TDRD3: variants seen among roughly 807,000 people sequenced by gnomAD.
The protein encoded by TDRD3 is tudor domain-containing protein 3.
TDRD3 carries 45 observed loss-of-function variants against 86.7 expected under a neutral mutation model. The observed-to-expected ratio is 0.52, with a 90% CI of 0.41 to 0.67. The LOEUF is 0.67. Ranked by LOEUF, TDRD3 falls within the 30% of genes least tolerant of loss-of-function variation. The probability of loss-of-function intolerance (pLI) is 0.00; values close to 1 mark genes in which losing one functional copy is unlikely to be tolerated. For missense variants in TDRD3, 814 were observed against 889.0 expected (o/e 0.92, Z 1.07); for synonymous variants, 298 against 301.7 (o/e 0.99, Z 0.13).
intron 8 of TDRD3, among the ~76,000 whole-genome samples, chr13:60,507,053 A>G (rs1409105535): frequency 2.0e-5 from 3 of 152,170 alleles, no homozygotes; most frequent in Non-Finnish European, 2.9e-5. Flanking sequence ...AGGGGTTGCA[A>G]TCCTAGTGTC....
chr13:60,511,772 G>T (rs1229412919), intron 10 of TDRD3, among the ~76,000 whole-genome samples: 5 of 152,060 alleles, frequency 3.3e-5, no homozygotes, highest in Non-Finnish European at 5.9e-5. Context: ...GCTTGGTGTT[G>T]CCTGGAGACT....
chr13:60,398,880 G>C (rs1254631176), intron 1 of TDRD3, among the ~76,000 whole-genome samples: 1 of 152,180 alleles, frequency 6.6e-6, no homozygotes, highest in African/African-American at 2.4e-5. Flanking sequence ...TTACCCACAA[G>C]GGTGTCCTGA....
chr13:60,516,448 G>A (rs541653785), intron 10 of TDRD3, among the ~76,000 whole-genome samples: 15 of 152,078 alleles, frequency 9.9e-5, no homozygotes, highest in South Asian at 4.2e-4. Flanking sequence ...TCTAGTTGAC[G>A]TTTTTATTAA....
intron 10 of TDRD3, among the ~76,000 whole-genome samples, chr13:60,523,712 G>A (rs61968684): frequency 0.15 from 22,604 of 151,416 alleles, 2,110 homozygotes; most frequent in South Asian, 0.28. Context: ...GAATAGCTGG[G>A]ACTACAGGTG....
intron 8 of TDRD3, among the ~76,000 whole-genome samples, chr13:60,508,084 G>A (rs1359931188): frequency 6.6e-6 from 1 of 152,138 alleles, no homozygotes; most frequent in African/African-American, 2.4e-5. Flanking sequence ...CCTCTTCAAG[G>A]AGAACTAGAA....
intron 11 of TDRD3, among the ~76,000 whole-genome samples, chr13:60,530,993 A>G (rs989612891): frequency 6.6e-6 from 1 of 152,170 alleles, no homozygotes; most frequent in African/African-American, 2.4e-5. Flanking sequence ...GCCTGATGAT[A>G]GAATAAGGAG....
At chr13:60,541,752 G>A (rs1263993665) in intron 12 of TDRD3, among the ~76,000 whole-genome samples, 1 of 33,488 alleles carries the variant, frequency 3.0e-5, no homozygotes, top group Admixed American at 3.7e-4. Context: ...TTTTTGAGAC[G>A]GAGTTTTGCT....
chr13:60,425,001 G>C (rs1594916697), intron 1 of TDRD3, among the ~76,000 whole-genome samples: 2 of 152,236 alleles, frequency 1.3e-5, no homozygotes, highest in African/African-American at 4.8e-5. Flanking sequence ...ATTACAATGT[G>C]TGGAAATAAC....
intron 10 of TDRD3, among the ~76,000 whole-genome samples, chr13:60,525,373 C>T (rs1333094034): frequency 6.6e-6 from 1 of 151,312 alleles, no homozygotes; most frequent in Non-Finnish European, 1.5e-5. Flanking sequence ...AGGGTTTCAC[C>T]ATGTTGGCCA....
chr13:60,439,781 T>A lies in TDRD3; in HGVS notation c.126+9T>A. ...TCCTGATTGCTCTCAATGTAGGTTA[T>A]ATTTATTAACTTGTAAACATTTGAA... On this transcript the variant is annotated intron_variant, in intron 2 of 13. Coordinates refer to ENST00000377881, the MANE Select transcript of TDRD3 (RefSeq NM_001146070.2). The A allele has an allele frequency of 6.7e-7, 1 of 1,498,578 alleles. No individual in the cohort carries two copies. The highest frequency in any genetic ancestry group is 8.9e-7 in the Non-Finnish European group (1 of 1,121,456). The allele number at this position is 1,498,578 out of a possible 1,614,324, so 92.8% of individuals were successfully genotyped here.
At chr13:60,507,768 G>A (rs775392936) in intron 8 of TDRD3, among the ~76,000 whole-genome samples, 1 of 152,156 alleles carries the variant, frequency 6.6e-6, no homozygotes, top group Admixed American at 6.5e-5. Flanking sequence ...GGATGTTCTG[G>A]CCAGGGCATT....
In TDRD3 at chr13:60,573,762, T is replaced by C; in HGVS notation, c.*156T>C. On this transcript the variant is annotated 3_prime_UTR_variant, in exon 14 of 14. Transcript: ENST00000377881. The stretch of plus-strand genomic sequence containing the variant: ...ACAGATTTTAGGGTGGAAAAAACAG[T>C]CAACTCACACAAAGAATGGAAAAAA... 1.7e-6 allele frequency: 1 copy of C among 594,560 alleles called. No individual in the cohort carries two copies. Among genetic ancestry groups the C allele is most frequent in the Non-Finnish European group, 2.1e-6 (1 of 473,018 alleles). 36.8% of individuals were successfully genotyped at this position (594,560 alleles called of 1,614,324 possible). A position where few individuals can be genotyped will look rare whatever the true frequency, so the allele number is the denominator to read the frequency against.
intron 6 of TDRD3, 71 bp from the exon 7 acceptor site, chr13:60,485,728 A>G: frequency 8.0e-7 from 1 of 1,247,618 alleles, no homozygotes; most frequent in Non-Finnish European, 1.1e-6. Context: ...TTGAAGAAGT[A>G]TTACTTTCTA....
intron 5 of TDRD3, among the ~76,000 whole-genome samples, chr13:60,467,812 A>G (rs1955981568): frequency 6.6e-6 from 1 of 152,176 alleles, no homozygotes; most frequent in Non-Finnish European, 1.5e-5. Flanking sequence ...TCCTAGTCTC[A>G]TTAGCTAATA....
At chr13:60,559,673 G>A (rs891416068) in intron 12 of TDRD3, among the ~76,000 whole-genome samples, 2 of 152,130 alleles carry the variant, frequency 1.3e-5, no homozygotes, top group African/African-American at 4.8e-5. Context: ...TTACTTATAT[G>A]TGGAATCTAA....
At chr13:60,525,998 A>G (rs1366287011) in intron 10 of TDRD3, among the ~76,000 whole-genome samples, 1 of 152,158 alleles carries the variant, frequency 6.6e-6, no homozygotes, top group Admixed American at 6.5e-5. Context: ...GAAGAATTGA[A>G]ATCAAATTCT....
rs148683923 is a variant in TDRD3, at chr13:60,506,772, G to A, written c.859-2991G>A. Among the ~76,000 whole-genome samples, 606 of 151,996 alleles carry A rather than the reference G, an allele frequency of 4.0e-3. 7 individuals carry two copies. Among genetic ancestry groups the A allele is most frequent in the African/African-American group, 0.013 (552 of 41,500 alleles). ...ACAAACAAACAAAAAAAAGAACATC[G>A]ACACTATGAAGAAACTGCATCAGCT... On this transcript the variant is annotated intron_variant, in intron 8 of 13. Transcript: ENST00000377881.
At chr13:60,516,136 A>C (rs1214204297) in intron 10 of TDRD3, among the ~76,000 whole-genome samples, 12 of 152,192 alleles carry the variant, frequency 7.9e-5, no homozygotes, top group Non-Finnish European at 1.6e-4. Context: ...TTTCTAATAC[A>C]GTTGCATAAT....
intron 5 of TDRD3, among the ~76,000 whole-genome samples, chr13:60,475,613 A>G (rs1051158740): frequency 1.3e-5 from 2 of 152,132 alleles, no homozygotes; most frequent in African/African-American, 4.8e-5. Flanking sequence ...TCTTTGAGGA[A>G]TCTCCGAACT....
Sources: gnomAD v4.1 joint callset for allele counts (sites outside exome capture counted in the v4.1 genomes callset) on GRCh38, gnomAD v4.1.1 for gene constraint, MANE v1.5 for transcripts, NCBI Gene and HGNC (gene_info 2026-07-23, HGNC 2026-07-21) for gene names.